The following TET2 variants were observed in gnomAD, a reference collection of about 807,000 sequenced individuals.
The protein encoded by TET2 is tet methylcytosine dioxygenase 2, also known as methylcytosine dioxygenase TET2.
A neutral mutation model predicts 142.9 loss-of-function variants in TET2; 299 were observed. The observed-to-expected ratio is 2.09, with a 90% CI of 1.90 to 2.30. The LOEUF (loss-of-function observed/expected upper bound fraction) is 2.30, where lower values mean the gene tolerates loss of function less well. Among genes scored for constraint, TET2 ranks in the 30% most tolerant of loss-of-function variants. The pLI, the probability that TET2 is intolerant of heterozygous loss-of-function variation, is 0.00. For synonymous variants in TET2, 819 were observed against 849.0 expected (o/e 0.96, Z 0.61); for missense variants, 2,418 against 2,378.0 (o/e 1.02, Z -0.35).
In TET2 at chr4:105,236,121, G is replaced by A. The variant is rs760672360; in HGVS notation, c.2179G>A (p.Ala727Thr). 1 of 1,613,912 alleles carries A rather than the reference G, an allele frequency of 6.2e-7. No homozygotes were observed. The highest frequency in any genetic ancestry group is 1.3e-5 in the African/African-American group (1 of 74,878). The change falls in exon 3 of 11, where the codon GCA (alanine) becomes ACA (threonine). Residue 727 changes from alanine (A) to threonine (T), a missense_variant. Physicochemically the swap from Ala to Thr is moderately conservative, Grantham distance 58. Coordinates refer to ENST00000380013, the MANE Select transcript of TET2 (RefSeq NM_001127208.3). ...HLLQHKPHKQAAQTQPSQSSH... is the reference protein window; with the variant it reads ...HLLQHKPHKQTAQTQPSQSSH... ...TTTGCAACATAAGCCTCATAAACAGGCAGCACAAACACAACCATCCCAGAG... is the reference window on the plus strand; with the variant it reads ...TTTGCAACATAAGCCTCATAAACAGACAGCACAAACACAACCATCCCAGAG...
chr4:105,233,542 G>A lies in TET2; in HGVS notation c.-46-355G>A, dbSNP rs575614384. Among the ~76,000 whole-genome samples the A allele has an allele frequency of 1.2e-4, 19 of 152,250 alleles. No individual in the cohort carries two copies. In the East Asian group the frequency reaches 3.5e-3, roughly 28 times the overall value. ...GTGATTAGGTAAATGAAGTGCTAGA[G>A]AAAATAAAGGGGATATTTTTCAATT... On this transcript the variant is annotated intron_variant, in intron 2 of 10. Transcript: ENST00000380013.
chr4:105,204,448 A>G (rs1056723633), intron 2 of TET2, among the ~76,000 whole-genome samples: 7 of 152,156 alleles, frequency 4.6e-5, no homozygotes, highest in Non-Finnish European at 8.8e-5. Flanking sequence ...TCAGGCCTAC[A>G]GTTGATAGAA....
In TET2 at chr4:105,236,578, T is replaced by C; in HGVS notation, c.2636T>C (p.Leu879Pro). Residue 879 changes from leucine to proline, a missense_variant, in exon 3 of 11, where the codon CTT becomes CCT. Transcript: ENST00000380013. ...AATGTGATCCCAAAGCAAGATCTTCTTCACAGGTGCTTTCAAGAACAGGAG... is the reference window on the plus strand; with the variant it reads ...AATGTGATCCCAAAGCAAGATCTTCCTCACAGGTGCTTTCAAGAACAGGAG... ...PNNVIPKQDL[L>P]HRCFQEQEQK... is the part of the protein sequence containing the mutation. 1.2e-6 allele frequency: 2 copies of C among 1,614,118 alleles called. No homozygotes were observed. The highest frequency in any genetic ancestry group is 1.1e-5 in the South Asian group (1 of 91,086).
At chr4:105,182,069 T>C (rs1009803679) in intron 1 of TET2, among the ~76,000 whole-genome samples, 2 of 152,224 alleles carry the variant, frequency 1.3e-5, no homozygotes, top group African/African-American at 4.8e-5. Flanking sequence ...TTATCAAATT[T>C]TCCCTATCAT....
At chr4:105,223,290 G>A (rs917773429) in intron 2 of TET2, among the ~76,000 whole-genome samples, 3 of 151,936 alleles carry the variant, frequency 2.0e-5, no homozygotes, top group African/African-American at 7.3e-5. Flanking sequence ...CATGTGGCTT[G>A]CTTACATTAA....
chr4:105,267,599 T>C (rs1316409786), intron 8 of TET2, among the ~76,000 whole-genome samples: 1 of 138,770 alleles, frequency 7.2e-6, no homozygotes, highest in Non-Finnish European at 1.6e-5. Context: ...ATGAAATCAA[T>C]CCAAAAATGT....
intron 1 of TET2, among the ~76,000 whole-genome samples, chr4:105,152,594 CTTTCTT>C (rs1469606328): frequency 4.2e-5 from 4 of 95,314 alleles, no homozygotes; most frequent in African/African-American, 1.3e-4. Flanking sequence ...TTCTTTCTTT[CTTTCTT>C]TTTTTTTTTT....
chr4:105,261,289 A>G (rs72963032), intron 7 of TET2, among the ~76,000 whole-genome samples: 2,055 of 152,226 alleles, frequency 0.013, 46 homozygotes, highest in African/African-American at 0.045. Context: ...CATTTTATCC[A>G]TATTTGAAGT....
rs769338467 is a variant in TET2, at chr4:105,236,228, C to A, written c.2286C>A (p.His762Gln). 6.2e-7 allele frequency: 1 copy of A among 1,614,070 alleles called. No individual in the cohort carries two copies. The highest frequency in any genetic ancestry group is 8.5e-7 in the Non-Finnish European group (1 of 1,180,000). ...NKEEILQTFP[H>Q]PQSNNDQQRE... ...AGGAAATACTCCAGACTTTTCCTCA[C>A]CCCCAAAGCAACAATGATCAGCAAA... The change falls in exon 3 of 11, where the codon CAC becomes CAA. Residue 762 changes from histidine (H) to glutamine (Q), a missense_variant. By Grantham distance (24) the His-to-Gln change is conservative. Coordinates refer to ENST00000380013, the MANE Select transcript of TET2 (RefSeq NM_001127208.3).
At chr4:105,193,191 G>C (rs1264406112) in intron 2 of TET2, among the ~76,000 whole-genome samples, 1 of 152,084 alleles carries the variant, frequency 6.6e-6, no homozygotes, top group Non-Finnish European at 1.5e-5. Flanking sequence ...AATTGGGATC[G>C]ATAACAAAGA....
chr4:105,206,191 G>T (rs1344680624), intron 2 of TET2, among the ~76,000 whole-genome samples: 3 of 152,194 alleles, frequency 2.0e-5, no homozygotes, highest in African/African-American at 2.4e-5. Context: ...TGACGCCAGG[G>T]TCCTGCTGCC....
At chr4:105,149,830 G>T (rs1306593532) in intron 1 of TET2, among the ~76,000 whole-genome samples, 1 of 152,210 alleles carries the variant, frequency 6.6e-6, no homozygotes, top group Non-Finnish European at 1.5e-5. Context: ...TTGAGGCAGT[G>T]GCACATGGTC....
At chr4:105,204,234 T>TAC (rs763239434) in intron 2 of TET2, among the ~76,000 whole-genome samples, 26,558 of 125,580 alleles carry the variant, frequency 0.21, 2,700 homozygotes, top group East Asian at 0.3. Flanking sequence ...AAAAAATATA[T>TAC]ACACACACAC....
Position 105,184,165 on chromosome 4 carries a change from G to A in TET2, c.-192-6195G>A, listed in dbSNP as rs1353856927. Among the ~76,000 whole-genome samples, 5 of 151,942 alleles carry A rather than the reference G, an allele frequency of 3.3e-5. No individual in the cohort carries two copies. The East Asian group carries it at 7.7e-4, about 23-fold the overall frequency. ...GCATTTTCTGTGTGATGTTTATAGG[G>A]TATTTTCTTCTGAAATGTTTTCCAT... On this transcript the variant is annotated intron_variant, in intron 1 of 10. Transcript: ENST00000380013.
intron 6 of TET2, among the ~76,000 whole-genome samples, chr4:105,244,347 G>A (rs142726166): frequency 7.2e-5 from 11 of 152,086 alleles, no homozygotes; most frequent in African/African-American, 2.4e-4. Flanking sequence ...GCAAATTACT[G>A]GATATGGATA....
chr4:105,239,329 C>T (rs1260675069), intron 3 of TET2: 1 of 239,908 alleles, frequency 4.2e-6, no homozygotes, highest in African/African-American at 2.2e-5. Context: ...AAGGCATTGA[C>T]TTCTATCTAT....
intron 2 of TET2, among the ~76,000 whole-genome samples, chr4:105,228,629 T>C (rs982091799): frequency 1.3e-5 from 2 of 152,116 alleles, no homozygotes; most frequent in Non-Finnish European, 2.9e-5. Flanking sequence ...TTTATATAAT[T>C]TATCATAAAT....
Position 105,236,333 on chromosome 4 carries a change from C to A in TET2, c.2391C>A (p.Phe797Leu), listed in dbSNP as rs144220888. The A allele has an allele frequency of 6.2e-7, 1 of 1,613,912 alleles. No individual in the cohort carries two copies. The highest frequency in any genetic ancestry group is 1.1e-5 in the South Asian group (1 of 91,064). Residue 797 changes from phenylalanine (F) to leucine (L), a missense_variant, in exon 3 of 11, where the codon TTC becomes TTA. Phe to Leu is a conservative substitution (Grantham distance 22). Coordinates refer to ENST00000380013, the MANE Select transcript of TET2 (RefSeq NM_001127208.3). ...GENQYSKSSE[F>L]ETHNVQMGLE... ...ATCAGTATTCAAAATCAAGCGAGTT[C>A]GAGACTCATAATGTCCAAATGGGAC...
At chr4:105,214,769 C>T (rs1189369307) in intron 2 of TET2, among the ~76,000 whole-genome samples, 1 of 152,070 alleles carries the variant, frequency 6.6e-6, no homozygotes, top group African/African-American at 2.4e-5. Flanking sequence ...GAAGGTGGCT[C>T]ATCCAGGGAG....
Sources: gnomAD v4.1 joint callset for allele counts (sites outside exome capture counted in the v4.1 genomes callset) on GRCh38, gnomAD v4.1.1 for gene constraint, MANE v1.5 for transcripts, NCBI Gene and HGNC (gene_info 2026-07-23, HGNC 2026-07-21) for gene names.